DACH2: variants seen among roughly 807,000 people sequenced by gnomAD.
DACH2 encodes dachshund homolog 2.
DACH2 carries 17 observed loss-of-function variants against 35.8 expected under a neutral mutation model. The ratio of observed to expected loss-of-function variants is 0.48; its 90% confidence interval spans 0.33 to 0.71. The LOEUF is 0.71. Ranked by LOEUF, DACH2 falls within the 30% of genes least tolerant of loss-of-function variation. The pLI, the probability that DACH2 is intolerant of heterozygous loss-of-function variation, is 0.02. For missense variants in DACH2, 469 were observed against 472.7 expected, an observed-to-expected ratio of 0.99 and a Z score of 0.07; for synonymous variants, 195 against 177.3, an observed-to-expected ratio of 1.10 and a Z score of -0.79.
chrX:86,714,332 C>A (rs2041311249), intron 5 of DACH2, among the ~76,000 whole-genome samples: 1 of 111,427 alleles, frequency 9.0e-6, no homozygotes, highest in South Asian at 3.7e-4. Flanking sequence ...AAAGCAAAAA[C>A]AAAGCATATT....
At chrX:86,577,479 G>T (rs2039449587) in intron 3 of DACH2, among the ~76,000 whole-genome samples, 1 of 111,296 alleles carries the variant, frequency 9.0e-6, no homozygotes, top group African/African-American at 3.3e-5. Flanking sequence ...TTAAATAAAA[G>T]ATATAAAAAT....
At chrX:86,177,568 C>T (rs2031343437) in intron 1 of DACH2, among the ~76,000 whole-genome samples, 1 of 111,466 alleles carries the variant, frequency 9.0e-6, no homozygotes. Flanking sequence ...TTGCTGATTA[C>T]CTAGGAAACA....
intron 1 of DACH2, among the ~76,000 whole-genome samples, chrX:86,199,327 C>T (rs1266452779): frequency 9.0e-6 from 1 of 111,392 alleles, no homozygotes; most frequent in Non-Finnish European, 1.9e-5. Flanking sequence ...TGGGCAAAAG[C>T]TGGAAGCATT....
chrX:86,333,096 T>C (rs2035241275), intron 1 of DACH2, among the ~76,000 whole-genome samples: 1 of 111,856 alleles, frequency 8.9e-6, no homozygotes, highest in African/African-American at 3.2e-5. Context: ...ATTCAAAATC[T>C]AGGGATAAAC....
intron 3 of DACH2, among the ~76,000 whole-genome samples, chrX:86,648,582 GAC>G (rs748395345): frequency 9.0e-6 from 1 of 110,731 alleles, no homozygotes; most frequent in East Asian, 2.8e-4. Context: ...TTTATCTGAA[GAC>G]ACAGATATTC....
At chrX:86,294,989 C>A (rs1246439588) in intron 1 of DACH2, among the ~76,000 whole-genome samples, 1 of 112,590 alleles carries the variant, frequency 8.9e-6, no homozygotes, top group Non-Finnish European at 1.9e-5. Flanking sequence ...CCTAAGCAAG[C>A]CTGGGCAATG....
chrX:86,300,400 T>G (rs2148012137), intron 1 of DACH2, among the ~76,000 whole-genome samples: 1 of 111,543 alleles, frequency 9.0e-6, no homozygotes, highest in East Asian at 2.8e-4. Flanking sequence ...TTTATTTTAT[T>G]AGTATTCCAG....
intron 1 of DACH2, among the ~76,000 whole-genome samples, chrX:86,287,727 G>T (rs1339430411): frequency 1.8e-5 from 2 of 111,724 alleles, no homozygotes; most frequent in Admixed American, 9.5e-5. Context: ...CAGAATTTCT[G>T]CTTATTTTTG....
intron 2 of DACH2, among the ~76,000 whole-genome samples, chrX:86,394,302 A>G (rs751098003): frequency 1.7e-4 from 19 of 110,994 alleles, no homozygotes; most frequent in Admixed American, 2.9e-4. Context: ...TAATTTTATT[A>G]TTGTCATTGG....
At chrX:86,831,532 C>A (rs888421451) in intron 11 of DACH2, 2 of 110,227 alleles carry the variant, frequency 1.8e-5, no homozygotes, top group Non-Finnish European at 3.8e-5. Flanking sequence ...TAACTTTTAC[C>A]CACCCAAATT....
chrX:86,507,308 G>A lies in DACH2; in HGVS notation c.528-6971G>A, dbSNP rs1054342855. 3.6e-5 allele frequency among the ~76,000 whole-genome samples: 4 copies of A among 111,100 alleles called. No homozygotes were observed. In the South Asian group the frequency reaches 1.5e-3, roughly 42 times the overall value. ...AGATTATAGACTGACAATATTACAGGCTGATGATTATTGATGAGACTTCAT... is the reference window on the plus strand; with the variant it reads ...AGATTATAGACTGACAATATTACAGACTGATGATTATTGATGAGACTTCAT... On this transcript the variant is annotated intron_variant, in intron 2 of 11. Coordinates refer to ENST00000373125, the MANE Select transcript of DACH2 (RefSeq NM_053281.3).
chrX:86,502,055 T>TTCCTTCC (rs1569422551), intron 2 of DACH2, among the ~76,000 whole-genome samples: 17 of 77,414 alleles, frequency 2.2e-4, no homozygotes, highest in East Asian at 1.2e-3. Flanking sequence ...TCCTTCCTTC[T>TTCCTTCC]TTCTTTCCTT....
At chrX:86,670,153 T>C (rs1027041726) in intron 4 of DACH2, among the ~76,000 whole-genome samples, 2 of 111,541 alleles carry the variant, frequency 1.8e-5, no homozygotes, top group African/African-American at 6.5e-5. Context: ...TTCATTTTTA[T>C]GTTCATTAGT....
At chrX:86,679,501 CT>C (rs1189404868) in intron 4 of DACH2, among the ~76,000 whole-genome samples, 2 of 111,423 alleles carry the variant, frequency 1.8e-5, no homozygotes, top group African/African-American at 6.5e-5. Flanking sequence ...ATGTTATTAA[CT>C]TTGAAGTTAC....
At chrX:86,422,706 A>G (rs1456000620) in intron 2 of DACH2, among the ~76,000 whole-genome samples, 3 of 111,167 alleles carry the variant, frequency 2.7e-5, no homozygotes, top group African/African-American at 9.8e-5. Flanking sequence ...TTTAAAATGT[A>G]CAATAAGTTA....
At chrX:86,150,536 G>A (rs5968814) in intron 1 of DACH2, among the ~76,000 whole-genome samples, 5,267 of 111,172 alleles carry the variant, frequency 0.047, 298 homozygotes, top group African/African-American at 0.16. Context: ...CTTCAATTGA[G>A]CAGTGTTTTT....
chrX:86,707,756 A>T (rs1343415160), intron 5 of DACH2, among the ~76,000 whole-genome samples: 1 of 108,290 alleles, frequency 9.2e-6, no homozygotes, highest in African/African-American at 3.4e-5. Flanking sequence ...CTCTACTAAA[A>T]GTACAAAAAT....
chrX:86,785,799 C>T (rs2042131228), intron 7 of DACH2, among the ~76,000 whole-genome samples: 1 of 111,541 alleles, frequency 9.0e-6, no homozygotes, highest in Non-Finnish European at 1.9e-5. Context: ...AAAGGCATTG[C>T]TTCCTATATG....
In DACH2 at chrX:86,321,231, G is replaced by A. The variant is rs998693028; in HGVS notation, c.489-55593G>A. ...CAAACTAATATTGTTATTATTAGGT[G>A]CAGAGGACAGTGTCATTTACACACT... is the stretch of plus-strand genomic sequence containing the variant. On this transcript the variant is annotated intron_variant, in intron 1 of 11. Coordinates refer to ENST00000373125, the MANE Select transcript of DACH2 (RefSeq NM_053281.3). 3.6e-5 allele frequency among the ~76,000 whole-genome samples: 4 copies of A among 111,663 alleles called. No homozygotes were observed. In the South Asian group the frequency reaches 1.5e-3, roughly 42 times the overall value.
Sources: gnomAD v4.1 joint callset for allele counts (sites outside exome capture counted in the v4.1 genomes callset) on GRCh38, gnomAD v4.1.1 for gene constraint, MANE v1.5 for transcripts, NCBI Gene and HGNC (gene_info 2026-07-23, HGNC 2026-07-21) for gene names.